Variants in LIMA1 observed in about 807,000 individuals in gnomAD.
LIMA1 encodes the protein LIM domain and actin-binding protein 1.
A neutral mutation model predicts 62.6 loss-of-function variants in LIMA1; 52 were observed. That is an observed-to-expected ratio of 0.83 (90% CI 0.67 to 1.05). The LOEUF is 1.05. Ranked by LOEUF, LIMA1 falls within the 50% of genes least tolerant of loss-of-function variation. The pLI is 0.00. For synonymous variants in LIMA1, 302 were observed against 317.8 expected (o/e 0.95, Z 0.53); for missense variants, 780 against 902.2 (o/e 0.86, Z 1.74).
chr12:50,275,008 C>A (rs114823750), intron 1 of LIMA1, among the ~76,000 whole-genome samples: 2,109 of 152,060 alleles, frequency 0.014, 45 homozygotes, highest in African/African-American at 0.049. Context: ...TGATACAAAG[C>A]CAAACATTAT....
At chr12:50,205,619 C>G (rs1052158635) in intron 5 of LIMA1, among the ~76,000 whole-genome samples, 10 of 151,926 alleles carry the variant, frequency 6.6e-5, no homozygotes, top group African/African-American at 1.9e-4. Context: ...CCCTCAAACC[C>G]CAGATGACTG....
At position 50,283,486 on chromosome 12, in the gene LIMA1, G is replaced by C. The variant is rs1942365026; in HGVS notation, c.-90C>G. 6.6e-6 allele frequency: 1 copy of C among 152,284 alleles called. No individual in the cohort carries two copies. Among genetic ancestry groups the C allele is most frequent in the African/African-American group, 2.4e-5 (1 of 41,462 alleles). 9.4% of individuals were successfully genotyped at this position (152,284 alleles called of 1,614,324 possible). ...GTCACAGGTCCCGGCGCTCTACCTA[G>C]CGCACCTGTCGCGACCAAGCTGCTA... On this transcript the variant is annotated 5_prime_UTR_variant, in exon 1 of 11. Transcript: ENST00000341247.
intron 9 of LIMA1, 181 bp from the exon 10 acceptor site, chr12:50,182,218 T>G (rs1382381890): frequency 1.9e-5 from 11 of 585,994 alleles, no homozygotes; most frequent in Non-Finnish European, 3.2e-5. Flanking sequence ...TCTCTTGATA[T>G]TCCCTTCCCA....
intron 3 of LIMA1, chr12:50,224,287 A>G (rs1234921825): frequency 6.6e-6 from 1 of 152,246 alleles, no homozygotes; most frequent in Non-Finnish European, 1.5e-5. Flanking sequence ...TACTCTTGAA[A>G]GCCACTTCAT....
intron 1 of LIMA1, among the ~76,000 whole-genome samples, chr12:50,259,810 A>C (rs1354762820): frequency 6.6e-6 from 1 of 152,212 alleles, no homozygotes; most frequent in East Asian, 1.9e-4. Flanking sequence ...GTCAACAAGA[A>C]TGTAAATGTT....
At chr12:50,232,421 G>A (rs1164641544) in intron 2 of LIMA1, among the ~76,000 whole-genome samples, 1 of 147,714 alleles carries the variant, frequency 6.8e-6, no homozygotes, top group African/African-American at 2.5e-5. Context: ...CCAGGCTGAA[G>A]TTCAGTAGCG....
chr12:50,192,283 G>A (rs1940793702), intron 9 of LIMA1, among the ~76,000 whole-genome samples, 169 bp downstream of exon 9: 1 of 152,194 alleles, frequency 6.6e-6, no homozygotes, highest in Non-Finnish European at 1.5e-5. Context: ...CCTGAGCAGA[G>A]GCAGCAAGAT....
At chr12:50,182,086 A>G in intron 9 of LIMA1, 49 bp from the exon 10 acceptor site, 1 of 1,609,140 alleles carries the variant, frequency 6.2e-7, no homozygotes, top group South Asian at 1.1e-5. Context: ...ATGAGTTAGC[A>G]CTGTCTTGAG....
intron 1 of LIMA1, among the ~76,000 whole-genome samples, chr12:50,257,299 A>G (rs1020988435): frequency 3.3e-5 from 5 of 152,256 alleles, no homozygotes; most frequent in East Asian, 3.9e-4. Flanking sequence ...AAGTCTCCCT[A>G]TGTTGTCCAG....
intron 1 of LIMA1, among the ~76,000 whole-genome samples, chr12:50,267,507 G>A (rs1230371050): frequency 2.1e-5 from 3 of 143,950 alleles, no homozygotes; most frequent in Non-Finnish European, 3.0e-5. Context: ...GTGAATCACC[G>A]TGCCCCCTGG....
At chr12:50,281,935 A>C (rs1436270022) in intron 1 of LIMA1, among the ~76,000 whole-genome samples, 4 of 152,196 alleles carry the variant, frequency 2.6e-5, no homozygotes, top group Admixed American at 6.5e-5. Context: ...AACCCATTTG[A>C]TTTTAAGTTC....
intron 1 of LIMA1, among the ~76,000 whole-genome samples, chr12:50,275,284 C>T (rs1942263096): frequency 6.6e-6 from 1 of 152,084 alleles, no homozygotes; most frequent in Non-Finnish European, 1.5e-5. Flanking sequence ...ATGAGAATCA[C>T]CTGAACCCAG....
At chr12:50,210,418 C>CAAAAAAAAA (rs769288381) in intron 4 of LIMA1, among the ~76,000 whole-genome samples, 8 of 90,842 alleles carry the variant, frequency 8.8e-5, no homozygotes, top group African/African-American at 3.1e-4. Context: ...ACCCCATTTC[C>CAAAAAAAAA]AAAAAAAAAA....
intron 4 of LIMA1, among the ~76,000 whole-genome samples, chr12:50,216,816 T>C (rs1211658664): frequency 6.6e-6 from 1 of 152,114 alleles, no homozygotes; most frequent in Non-Finnish European, 1.5e-5. Flanking sequence ...TGAGCCAAGA[T>C]TGTGCCACTG....
intron 1 of LIMA1, among the ~76,000 whole-genome samples, chr12:50,263,002 A>T (rs772607657): frequency 3.9e-5 from 6 of 152,216 alleles, no homozygotes; most frequent in Admixed American, 3.3e-4. Context: ...AATCTGAGAC[A>T]CTGCACTGAT....
rs761230915 is a variant in LIMA1 at position 50,177,454 on chromosome 12, A to C, written c.1890T>G (p.Val630=). The C allele has an allele frequency of 1.9e-6, 3 of 1,613,946 alleles. No individual in the cohort carries two copies. The South Asian group carries it at 3.3e-5, about 18-fold the overall frequency. The change falls in exon 11 of 11, where the codon GTT becomes GTG. Residue 630 remains valine, a synonymous_variant. Transcript: ENST00000341247. ...EQSEESVGGR[V]AERKQVENAK... ...CATTTTCCACTTGTTTCCTTTCTGCAACTCTTCCACCCACAGACTCTTCAC... is the reference window on the plus strand; with the variant it reads ...CATTTTCCACTTGTTTCCTTTCTGCCACTCTTCCACCCACAGACTCTTCAC...
intron 1 of LIMA1, among the ~76,000 whole-genome samples, chr12:50,258,159 T>C (rs764915549): frequency 1.3e-5 from 2 of 152,176 alleles, no homozygotes; most frequent in Non-Finnish European, 2.9e-5. Context: ...AGGAGCCCTG[T>C]TTTCTTTTAT....
intron 6 of LIMA1, chr12:50,201,667 C>T (rs1308675954): frequency 1.3e-5 from 4 of 310,566 alleles, no homozygotes; most frequent in Admixed American, 6.5e-5. Flanking sequence ...GAAGCTGAGG[C>T]GGGTGGATCG....
chr12:50,235,579 T>C (rs149541282), intron 2 of LIMA1, among the ~76,000 whole-genome samples: 82 of 152,178 alleles, frequency 5.4e-4, no homozygotes, highest in Admixed American at 1.5e-3. Flanking sequence ...ATCCTATCAC[T>C]GTCTAATTTT....
Sources: gnomAD v4.1 joint callset for allele counts (sites outside exome capture counted in the v4.1 genomes callset) on GRCh38, gnomAD v4.1.1 for gene constraint, MANE v1.5 for transcripts, NCBI Gene and HGNC (gene_info 2026-07-23, HGNC 2026-07-21) for gene names.